HP: variants seen among roughly 807,000 people sequenced by gnomAD.
HP encodes haptoglobin alpha(1S)-beta.
In HP, 9 loss-of-function variants were observed where a neutral mutation model predicts 23.2. The observed-to-expected ratio is 0.39, with a 90% CI of 0.23 to 0.68. The LOEUF (loss-of-function observed/expected upper bound fraction) is 0.68. Among genes scored for constraint, HP ranks in the 30% least tolerant of loss-of-function variants. HP has a pLI of 0.47. For missense variants in HP, 433 were observed against 483.6 expected (o/e 0.90, Z 0.98); for synonymous variants, 155 against 183.3 (o/e 0.85, Z 1.25).
At position 72,058,866 on chromosome 16, in the gene HP, C is replaced by T. The variant is rs1436420887; in HGVS notation, c.368-248C>T. Among the ~76,000 whole-genome samples, 4 of 137,874 alleles carry T rather than the reference C, an allele frequency of 2.9e-5. 1 individual carries two copies. The highest frequency in any genetic ancestry group is 6.2e-5 in the Non-Finnish European group (4 of 64,718). 90.5% of individuals were successfully genotyped at this position (137,874 alleles called of 152,430 possible). A position where few individuals can be genotyped will look rare whatever the true frequency, so the allele number is the denominator to read the frequency against. ...AGAGTCAGGATTTGAACCCTGAGCC[C>T]TCCCTGTACTGCTTGGCTGTGACCG... On this transcript the variant is annotated intron_variant, in intron 5 of 6. Transcript: ENST00000355906.
Position 72,061,025 on chromosome 16 carries a change from G to A in HP, c.*135G>A. 1.0e-6 allele frequency: 1 copy of A among 970,066 alleles called. No individual in the cohort carries two copies. Among genetic ancestry groups the A allele is most frequent in the Non-Finnish European group, 1.5e-6 (1 of 672,454 alleles). The allele number at this position is 970,066 out of a possible 1,614,324, so 60.1% of individuals were successfully genotyped here. On this transcript the variant is annotated 3_prime_UTR_variant, in exon 7 of 7. Transcript: ENST00000355906. ...ATGGGTGCCAGCCCTGCATTGCTGA[G>A]TCAATCAATAAAGAGCTTTCTTTTG...
At chr16:72,059,311 C>T (rs2041503235) in intron 6 of HP, 123 bp downstream of exon 6, 2 of 1,351,206 alleles carry the variant, frequency 1.5e-6, no homozygotes, top group Admixed American at 3.8e-5. Flanking sequence ...GGGAGAACCG[C>T]AGCTGGCCAG....
chr16:72,055,833 C>T, intron 1 of HP: 1 of 380,944 alleles, frequency 2.6e-6, no homozygotes, highest in Non-Finnish European at 5.1e-6. Flanking sequence ...ATGTACTTTC[C>T]TGAATGCAGC....
At chr16:72,055,929 T>C in intron 1 of HP, 7 of 691,764 alleles carry the variant, frequency 1.0e-5, no homozygotes. Flanking sequence ...CAGGGCTTGC[T>C]GGAAGCTTGG....
chr16:72,054,988 T>G, intron 1 of HP: 1 of 515,766 alleles, frequency 1.9e-6, no homozygotes, highest in Non-Finnish European at 3.5e-6. Context: ...TCTTTAAAAA[T>G]GTACAATAAG....
chr16:72,055,145 CTT>C (rs576218458), intron 1 of HP: 119 of 163,458 alleles, frequency 7.3e-4, no homozygotes, highest in South Asian at 2.3e-3. Context: ...AGACTAGAAA[CTT>C]TTTTTTTTTT....
Position 72,060,107 on chromosome 16 carries a change from G to A in HP, c.443-5G>A, listed in dbSNP as rs373148115. 104 of 1,612,030 alleles carry A rather than the reference G, an allele frequency of 6.5e-5. 1 individual carries two copies. The East Asian group carries it at 1.5e-3, about 23-fold the overall frequency. On this transcript the variant is annotated splice_region_variant and splice_polypyrimidine_tract_variant and intron_variant, in intron 6 of 6. Transcript: ENST00000355906. ...CACTCACGAGTGTCTTGCTCTCCTT[G>A]ACAGTATGTGGGAAGCCCAAGAATC... is the stretch of plus-strand genomic sequence containing the variant.
At chr16:72,058,874 A>G (rs1427184277) in intron 5 of HP, among the ~76,000 whole-genome samples, 1 of 138,160 alleles carries the variant, frequency 7.2e-6, no homozygotes, top group Non-Finnish European at 1.5e-5. Context: ...CCCTCCCTGT[A>G]CTGCTTGGCT....
rs758284723 is a variant in HP at position 72,054,613 on chromosome 16, GC to G, written c.-36del. 1.2e-6 allele frequency: 2 copies of G among 1,607,028 alleles called. No individual in the cohort carries two copies. Among genetic ancestry groups the G allele is most frequent in the African/African-American group, 2.7e-5 (2 of 74,928 alleles). On this transcript the variant is annotated 5_prime_UTR_variant, in exon 1 of 7. Transcript: ENST00000355906. ...TGGCAGCATAAAAAGACCAGCAGAT[GC>G]CCCACAGCACTGCTCTTCCAGAGGC...
rs746000474 is a variant in HP, at chr16:72,058,266, C to T, written c.278C>T (p.Pro93Leu). Reference protein sequence around the residue: ...LPECEADDGCPKPPEIAHGYV... With the variant: ...LPECEADDGCLKPPEIAHGYV... ...TCTCTCTTTGCAGATGACGGCTGCCCGAAGCCCCCCGAGATTGCACATGGC... is the reference window on the plus strand; with the variant it reads ...TCTCTCTTTGCAGATGACGGCTGCCTGAAGCCCCCCGAGATTGCACATGGC... Residue 93 changes from proline to leucine, a missense_variant, in exon 5 of 7, where the codon CCG (proline) becomes CTG (leucine). This residue lies in a region of HP where 36 missense variants were observed against 71.3 expected (regional missense o/e 0.50). Transcript: ENST00000355906. 35 of 957,044 alleles carry T rather than the reference C, an allele frequency of 3.7e-5. 3 individuals are homozygous for T. Among genetic ancestry groups the T allele is most frequent in the Non-Finnish European group, 4.3e-5 (29 of 675,898 alleles). 59.3% of individuals were successfully genotyped at this position (957,044 alleles called of 1,614,324 possible). A position where few individuals can be genotyped will look rare whatever the true frequency, so the allele number is the denominator to read the frequency against.
At chr16:72,058,798 C>G (rs1490366354) in intron 5 of HP, 9 of 407,882 alleles carry the variant, frequency 2.2e-5, no homozygotes, top group South Asian at 1.9e-4. Context: ...GAGGCACAGA[C>G]AGGTTGAGTA....
intron 2 of HP, 89 bp downstream of exon 2, chr16:72,056,332 A>G: frequency 6.4e-7 from 1 of 1,564,348 alleles, no homozygotes. Flanking sequence ...CCCCCTTCTT[A>G]TCTCGACCTC....
chr16:72,055,091 T>C (rs188894747), intron 1 of HP: 23 of 208,706 alleles, frequency 1.1e-4, no homozygotes, highest in African/African-American at 4.9e-4. Flanking sequence ...TTAAGGCACT[T>C]AGATCTTATA....
In HP at chr16:72,060,704, G is replaced by C; in HGVS notation, c.1035G>C (p.Lys345Asn). The C allele has an allele frequency of 6.2e-7, 1 of 1,614,170 alleles. No individual in the cohort carries two copies. Among genetic ancestry groups the C allele is most frequent in the Non-Finnish European group, 8.5e-7 (1 of 1,180,036 alleles). ...ACACCTTCTGTGCTGGCATGTCTAA[G>C]TACCAAGAAGACACCTGCTATGGCG... ...NEHTFCAGMSKYQEDTCYGDA... is the reference protein window; with the variant it reads ...NEHTFCAGMSNYQEDTCYGDA... Residue 345 changes from lysine (K) to asparagine (N), a missense_variant, in exon 7 of 7, where the codon AAG becomes AAC. Coordinates refer to ENST00000355906, the MANE Select transcript of HP (RefSeq NM_005143.5).
rs558021408 is a variant in HP, at chr16:72,060,588, G to T, written c.919G>T (p.Asp307Tyr). 28 of 1,614,094 alleles carry T rather than the reference G, an allele frequency of 1.7e-5. No individual in the cohort carries two copies. Among genetic ancestry groups the T allele is most frequent in the East Asian group, 6.7e-5 (3 of 44,838 alleles). The change falls in exon 7 of 7, where the codon GAC (aspartate) becomes TAC (tyrosine). Residue 307 changes from aspartate to tyrosine, a missense_variant. Physicochemically the swap from Asp to Tyr is radical, Grantham distance 160 (BLOSUM62 -3). Transcript: ENST00000355906. ...TGTCATGCTGCCTGTGGCTGACCAAGACCAATGCATAAGGCATTATGAAGG... is the reference window on the plus strand; with the variant it reads ...TGTCATGCTGCCTGTGGCTGACCAATACCAATGCATAAGGCATTATGAAGG... Reference protein sequence around the residue: ...KYVMLPVADQDQCIRHYEGST... With the variant: ...KYVMLPVADQYQCIRHYEGST...
At chr16:72,058,734 C>T (rs1404911138) in intron 5 of HP, 1 of 319,322 alleles carries the variant, frequency 3.1e-6, no homozygotes, top group Non-Finnish European at 5.6e-6. Context: ...ACTTAGTCCT[C>T]ACAGTATCCC....
chr16:72,058,097 T>G, intron 4 of HP, 157 bp from the exon 5 acceptor site: 9 of 961,126 alleles, frequency 9.4e-6, no homozygotes, highest in Non-Finnish European at 1.4e-5. Flanking sequence ...GGAAATTCCT[T>G]TATTGGGATA....
chr16:72,058,758 T>C, intron 5 of HP: 2 of 325,284 alleles, frequency 6.1e-6, no homozygotes, highest in East Asian at 6.0e-5. Context: ...GAACAGAGTT[T>C]ATTGTTTTCA....
At chr16:72,060,021 A>T in intron 6 of HP, 91 bp from the exon 7 acceptor site, 1 of 1,583,288 alleles carries the variant, frequency 6.3e-7, no homozygotes, top group Non-Finnish European at 8.6e-7. Flanking sequence ...TACTTTACGC[A>T]GCAGTGACAG....
Sources: gnomAD v4.1 joint callset for allele counts (sites outside exome capture counted in the v4.1 genomes callset) on GRCh38, gnomAD v4.1.1 for gene constraint, gnomAD v4.1.1 regional missense constraint, MANE v1.5 for transcripts, NCBI Gene and HGNC (gene_info 2026-07-23, HGNC 2026-07-21) for gene names.